Variants in ABCC3 observed in about 807,000 individuals in gnomAD.
ABCC3 encodes ATP-binding cassette sub-family C member 3.
ABCC3 carries 121 observed loss-of-function variants against 165.3 expected under a neutral mutation model. The observed-to-expected ratio is 0.73, with a 90% CI of 0.63 to 0.85. The LOEUF (loss-of-function observed/expected upper bound fraction) is 0.85. Ranked by LOEUF, ABCC3 falls within the 40% of genes least tolerant of loss-of-function variation. The probability of loss-of-function intolerance (pLI) is 0.00; values close to 1 mark genes in which losing one functional copy is unlikely to be tolerated. For missense variants in ABCC3, 1,869 were observed against 1,964.1 expected, an observed-to-expected ratio of 0.95 and a Z score of 0.92; for synonymous variants, 733 against 810.1, an observed-to-expected ratio of 0.90 and a Z score of 1.62.
At chr17:50,649,694 A>G (rs1967076372) in intron 1 of ABCC3, among the ~76,000 whole-genome samples, 2 of 141,626 alleles carry the variant, frequency 1.4e-5, no homozygotes, top group Non-Finnish European at 3.1e-5. Flanking sequence ...GAAGGGAAGG[A>G]GGGAGGGAAG....
intron 11 of ABCC3, 62 bp downstream of exon 11, chr17:50,665,307 G>A: frequency 6.6e-7 from 1 of 1,520,418 alleles, no homozygotes. Flanking sequence ...CTGGGGGAAG[G>A]TGTCCACTAA....
chr17:50,690,439 G>GC (rs557680290), intron 30 of ABCC3, among the ~76,000 whole-genome samples: 412 of 152,298 alleles, frequency 2.7e-3, no homozygotes, highest in African/African-American at 9.1e-3. Context: ...AATGCAGTCA[G>GC]CCCCCTCCCA....
intron 3 of ABCC3, 32 bp downstream of exon 3, chr17:50,656,859 G>T (rs780619754): frequency 1.3e-5 from 20 of 1,586,822 alleles, no homozygotes; most frequent in Middle Eastern, 1.7e-4. Context: ...AGTGGATGGG[G>T]GAGGTCTCCA....
chr17:50,643,052 G>A (rs1008687901), intron 1 of ABCC3, among the ~76,000 whole-genome samples: 7 of 152,222 alleles, frequency 4.6e-5, no homozygotes, highest in African/African-American at 7.2e-5. Context: ...AATAAAATGC[G>A]GGAGAAACAT....
intron 5 of ABCC3, 65 bp downstream of exon 5, chr17:50,658,272 G>A: frequency 6.2e-7 from 1 of 1,610,720 alleles, no homozygotes; most frequent in South Asian, 1.1e-5. Flanking sequence ...CTGACCAGCA[G>A]CCCCCAACCC....
intron 1 of ABCC3, among the ~76,000 whole-genome samples, chr17:50,644,740 C>T (rs1012533773): frequency 1.9e-4 from 28 of 151,330 alleles, no homozygotes; most frequent in African/African-American, 6.3e-4. Context: ...AAACCAAGGC[C>T]GGGTGCAGTG....
At chr17:50,647,656 G>T (rs555239931) in intron 1 of ABCC3, among the ~76,000 whole-genome samples, 1 of 152,326 alleles carries the variant, frequency 6.6e-6, no homozygotes, top group East Asian at 1.9e-4. Context: ...GAAACCAGGA[G>T]ACCAGGAAAG....
At chr17:50,635,429 TC>T in intron 1 of ABCC3, 1 of 700,852 alleles carries the variant, frequency 1.4e-6, no homozygotes, top group Non-Finnish European at 2.6e-6. Flanking sequence ...CCCCAGGGCA[TC>T]CAGAGCACCT....
chr17:50,683,794 G>A (rs1479951700), intron 27 of ABCC3, 38 bp downstream of exon 27: 2 of 1,586,842 alleles, frequency 1.3e-6, no homozygotes, highest in Non-Finnish European at 1.7e-6. Context: ...GTGTGTTCAT[G>A]CCTGCAGACA....
At chr17:50,667,402 C>T in intron 11 of ABCC3, 152 bp from the exon 12 acceptor site, 1 of 724,288 alleles carries the variant, frequency 1.4e-6, no homozygotes, top group Non-Finnish European at 2.3e-6. Flanking sequence ...CAGGCCAAGG[C>T]ACAGCACAGG....
At position 50,671,702 on chromosome 17, in the gene ABCC3, C is replaced by CTTTTTTTTTTTTTT; in HGVS notation, c.2242-1252_2242-1239dup. On this transcript the variant is annotated intron_variant, in intron 17 of 30. Coordinates refer to ENST00000285238, the MANE Select transcript of ABCC3 (RefSeq NM_003786.4). ...AGCTCAGGTCTCTCTTCCTTCCTTC[C>CTTTTTTTTTTTTTT]TTTTTTTTTTTTTTTTTTTTTTTTT... 3.5e-5 allele frequency among the ~76,000 whole-genome samples: 2 copies of CTTTTTTTTTTTTTT among 56,372 alleles called. 1 individual carries two copies. 37.0% of individuals were successfully genotyped at this position (56,372 alleles called of 152,430 possible).
At position 50,683,684 on chromosome 17, in the gene ABCC3, T is replaced by C. The variant is rs1231822032; in HGVS notation, c.3882T>C (p.Tyr1294=). ...PPRGEVEFRN[Y]SVRYRPGLDL... is the part of the protein sequence containing the mutation. The stretch of plus-strand genomic sequence containing the variant: ...GTGGGGAGGTGGAGTTCCGGAATTA[T>C]TCTGTGCGCTACCGGCCGGGCCTAG... Residue 1294 remains tyrosine, a synonymous_variant, in exon 27 of 31, where the codon TAT becomes TAC. Coordinates refer to ENST00000285238, the MANE Select transcript of ABCC3 (RefSeq NM_003786.4). 5 of 1,606,880 alleles carry C rather than the reference T, an allele frequency of 3.1e-6. No homozygotes were observed. The highest frequency in any genetic ancestry group is 4.2e-6 in the Non-Finnish European group (5 of 1,176,764).
At position 50,667,565 on chromosome 17, in the gene ABCC3, G is replaced by A; in HGVS notation, c.1443G>A (p.Met481Ile). ...TTCTGCCTGCACAGGTAAAGCAAAT[G>A]AAATTGAAGGACTCGCGCATCAAGC... ...VKMRAFQVKQ[M>I]KLKDSRIKLM... Residue 481 changes from methionine (M) to isoleucine (I), a missense_variant, in exon 12 of 31, where the codon ATG becomes ATA. Met to Ile is a conservative substitution (Grantham distance 10, BLOSUM62 1). Coordinates refer to ENST00000285238, the MANE Select transcript of ABCC3 (RefSeq NM_003786.4). 1.2e-6 allele frequency: 2 copies of A among 1,608,540 alleles called. No homozygotes were observed. Among genetic ancestry groups the A allele is most frequent in the Non-Finnish European group, 1.7e-6 (2 of 1,175,286 alleles).
chr17:50,655,748 T>A, intron 1 of ABCC3, 84 bp from the exon 2 acceptor site: 1 of 1,288,750 alleles, frequency 7.8e-7, no homozygotes. Context: ...TGATGGAACA[T>A]CTCTCCAGCT....
Position 50,669,513 on chromosome 17 carries a change from A to C in ABCC3, c.2226A>C (p.Thr742=). The change falls in exon 17 of 31, where the codon ACA becomes ACC. Residue 742 remains threonine, a synonymous_variant. Coordinates refer to ENST00000285238, the MANE Select transcript of ABCC3 (RefSeq NM_003786.4). ...DLEMLPGGDQ[T]EIGEKGINLS... ...AGATGCTGCCTGGTGGGGATCAGAC[A>C]GAGATTGGAGAGAAGGTACAGAGTC... is the stretch of plus-strand genomic sequence containing the variant. 1 of 1,614,196 alleles carries C rather than the reference A, an allele frequency of 6.2e-7. No homozygotes were observed. Among genetic ancestry groups the C allele is most frequent in the Non-Finnish European group, 8.5e-7 (1 of 1,180,020 alleles).
intron 5 of ABCC3, 40 bp from the exon 6 acceptor site, chr17:50,658,395 G>T: frequency 6.2e-7 from 1 of 1,600,568 alleles, no homozygotes; most frequent in Middle Eastern, 1.7e-4. Context: ...GAGGGTGGTG[G>T]GCACTCCTGA....
At chr17:50,642,714 G>A (rs1034868225) in intron 1 of ABCC3, among the ~76,000 whole-genome samples, 5 of 152,142 alleles carry the variant, frequency 3.3e-5, no homozygotes, top group East Asian at 1.9e-4. Flanking sequence ...TGGATTCTCC[G>A]CATCGGGGTT....
intron 23 of ABCC3, among the ~76,000 whole-genome samples, chr17:50,677,031 G>A (rs960494681): frequency 6.6e-6 from 1 of 152,122 alleles, no homozygotes; most frequent in African/African-American, 2.4e-5. Context: ...ACAGGCATGC[G>A]CCACCACGCC....
chr17:50,691,079 C>A lies in ABCC3; in HGVS notation c.4476-13C>A, dbSNP rs1419040132. ...CTGATGGAAACCTGACCACTTCTCT[C>A]TTTTTTGACTAGGGTCCTGGTCCTG... On this transcript the variant is annotated splice_polypyrimidine_tract_variant and intron_variant, in intron 30 of 30. Transcript: ENST00000285238. 28 of 1,608,230 alleles carry A rather than the reference C, an allele frequency of 1.7e-5. No homozygotes were observed. The highest frequency in any genetic ancestry group is 2.6e-6 in the Non-Finnish European group (3 of 1,174,838).
Sources: allele counts gnomAD v4.1 joint callset (sites outside exome capture counted in the v4.1 genomes callset), GRCh38; gene constraint gnomAD v4.1.1; transcripts MANE v1.5; gene names NCBI Gene and HGNC (gene_info 2026-07-23, HGNC 2026-07-21).